Variants in ADAMTS17 observed in about 807,000 individuals in gnomAD.
ADAMTS17 encodes A disintegrin and metalloproteinase with thrombospondin motifs 17.
In ADAMTS17, 113 loss-of-function variants were observed where a neutral mutation model predicts 141.5. The ratio of observed to expected loss-of-function variants is 0.80; its 90% CI spans 0.69 to 0.93. The LOEUF is 0.93. Ranked by LOEUF, ADAMTS17 falls within the 40% of genes least tolerant of loss-of-function variation. The pLI, the probability that ADAMTS17 is intolerant of heterozygous loss-of-function variation, is 0.00. For missense variants in ADAMTS17, 1,659 were observed against 1,517.9 expected, an observed-to-expected ratio of 1.09 and a Z score of -1.54; for synonymous variants, 768 against 630.6, an observed-to-expected ratio of 1.22 and a Z score of -3.27.
intron 3 of ADAMTS17, among the ~76,000 whole-genome samples, chr15:100,299,862 C>CG (rs1350390966): frequency 6.6e-6 from 1 of 152,274 alleles, no homozygotes. Context: ...GCACACCCTA[C>CG]GGGGGCCTGA....
intron 12 of ADAMTS17, 131 bp from the exon 13 acceptor site, chr15:100,117,144 G>T: frequency 9.4e-7 from 1 of 1,060,666 alleles, no homozygotes; most frequent in Non-Finnish European, 1.4e-6. Flanking sequence ...CCCCCTCTCT[G>T]CTGTTACAGA....
chr15:100,135,078 G>A (rs1223160328), intron 10 of ADAMTS17, among the ~76,000 whole-genome samples: 1 of 152,156 alleles, frequency 6.6e-6, no homozygotes, highest in Non-Finnish European at 1.5e-5. Flanking sequence ...TTGGGATTAG[G>A]AGAAATGACC....
Position 99,976,178 on chromosome 15 carries a change from C to A in ADAMTS17, c.2994G>T (p.Gln998His). ...CGKGLQSRVVQCMHKVTGRHG... is the reference protein window; with the variant it reads ...CGKGLQSRVVHCMHKVTGRHG... ...GGCGCCCTGTGACCTTGTGCATGCA[C>A]TGCACCACCCGGGACTGCAGGCCCT... Residue 998 changes from glutamine to histidine, a missense_variant, in exon 21 of 22, where the codon CAG becomes CAT. Coordinates refer to ENST00000268070, the MANE Select transcript of ADAMTS17 (RefSeq NM_139057.4). The A allele has an allele frequency of 1.3e-6, 2 of 1,549,964 alleles. No homozygotes were observed. The highest frequency in any genetic ancestry group is 1.7e-6 in the Non-Finnish European group (2 of 1,147,002).
At chr15:100,341,504 G>A in intron 1 of ADAMTS17, 95 bp from the exon 2 acceptor site, 3 of 988,712 alleles carry the variant, frequency 3.0e-6, no homozygotes, top group Non-Finnish European at 2.4e-6. Context: ...GGGACAGCGC[G>A]ACCCGGAGCC....
At chr15:99,989,828 G>A (rs893740072) in intron 20 of ADAMTS17, among the ~76,000 whole-genome samples, 7 of 152,166 alleles carry the variant, frequency 4.6e-5, no homozygotes, top group African/African-American at 1.7e-4. Context: ...ATTGGGTGGT[G>A]GATTTTGGGC....
chr15:100,066,619 G>A (rs1003191655), intron 15 of ADAMTS17, among the ~76,000 whole-genome samples: 1 of 152,054 alleles, frequency 6.6e-6, no homozygotes, highest in African/African-American at 2.4e-5. Flanking sequence ...GGTGTTCTTG[G>A]GCATTTGATT....
Position 100,239,588 on chromosome 15 carries a change from C to T in ADAMTS17, c.1075+14548G>A, listed in dbSNP as rs554080577. Among the ~76,000 whole-genome samples, 4 of 152,300 alleles carry T rather than the reference C, an allele frequency of 2.6e-5. No homozygotes were observed. In the South Asian group the frequency reaches 8.3e-4, roughly 32 times the overall value. ...GAAGCAATGAGAAGGGGGTCTCTCT[C>T]CAGCGTTGCAGGAGGAAGTGTTGGA... On this transcript the variant is annotated intron_variant, in intron 7 of 21. Coordinates refer to ENST00000268070, the MANE Select transcript of ADAMTS17 (RefSeq NM_139057.4).
intron 13 of ADAMTS17, among the ~76,000 whole-genome samples, chr15:100,116,116 G>C (rs183105299): frequency 1.6e-5 from 1 of 64,004 alleles, no homozygotes; most frequent in East Asian, 6.1e-4. Flanking sequence ...GTTTCCTAAA[G>C]AAGAACAGTT....
At chr15:100,255,314 C>T (rs1050917946) in intron 6 of ADAMTS17, among the ~76,000 whole-genome samples, 3 of 152,126 alleles carry the variant, frequency 2.0e-5, no homozygotes, top group Admixed American at 6.5e-5. Context: ...CCCTCCCAGG[C>T]CCCACACCCA....
intron 15 of ADAMTS17, among the ~76,000 whole-genome samples, chr15:100,057,692 A>G (rs2032705193): frequency 6.6e-6 from 1 of 152,136 alleles, no homozygotes. Context: ...GCACAGGCCC[A>G]TCACCCAACC....
At chr15:99,996,955 A>C (rs978685382) in intron 19 of ADAMTS17, among the ~76,000 whole-genome samples, 1 of 152,188 alleles carries the variant, frequency 6.6e-6, no homozygotes, top group Non-Finnish European at 1.5e-5. Flanking sequence ...TGTAACTCCA[A>C]CTTGCACACT....
chr15:99,987,952 T>C (rs2060623267), intron 20 of ADAMTS17, among the ~76,000 whole-genome samples: 1 of 151,952 alleles, frequency 6.6e-6, no homozygotes, highest in South Asian at 2.1e-4. Context: ...ATGCTCCTGG[T>C]ACACCATACA....
At chr15:100,089,132 C>G (rs1169363439) in intron 15 of ADAMTS17, among the ~76,000 whole-genome samples, 1 of 151,752 alleles carries the variant, frequency 6.6e-6, no homozygotes, top group Non-Finnish European at 1.5e-5. Flanking sequence ...TGAACTCAAA[C>G]AAATCTACAA....
At chr15:100,299,899 G>A (rs934418872) in intron 3 of ADAMTS17, among the ~76,000 whole-genome samples, 6 of 152,300 alleles carry the variant, frequency 3.9e-5, no homozygotes, top group Non-Finnish European at 4.4e-5. Context: ...TGCTAGGTTT[G>A]AGGATGGGAA....
intron 8 of ADAMTS17, among the ~76,000 whole-genome samples, chr15:100,157,460 G>C (rs1312846321): frequency 1.3e-5 from 2 of 152,088 alleles, no homozygotes; most frequent in African/African-American, 2.4e-5. Context: ...TGACCAACTA[G>C]AGTCATTTCT....
intron 10 of ADAMTS17, among the ~76,000 whole-genome samples, chr15:100,138,140 G>T (rs1370244163): frequency 5.8e-5 from 3 of 51,364 alleles, no homozygotes; most frequent in Non-Finnish European, 1.5e-4. Context: ...ATCTGGAAGG[G>T]TGTTTACCAG....
intron 18 of ADAMTS17, among the ~76,000 whole-genome samples, chr15:100,027,099 A>C (rs141121405): frequency 6.6e-6 from 1 of 152,238 alleles, no homozygotes; most frequent in Non-Finnish European, 1.5e-5. Context: ...CGGGAGGTGC[A>C]GAAGTACTCA....
intron 7 of ADAMTS17, among the ~76,000 whole-genome samples, chr15:100,223,799 A>ATATATATGTGTGTGTGTG (rs1199724802): frequency 6.6e-6 from 1 of 151,386 alleles, no homozygotes; most frequent in Non-Finnish European, 1.5e-5. Flanking sequence ...GTGTGGGTGT[A>ATATATATGTGTGTGTGTG]TATATATGTG....
intron 15 of ADAMTS17, among the ~76,000 whole-genome samples, chr15:100,089,489 C>T (rs1165264549): frequency 6.6e-6 from 1 of 150,842 alleles, no homozygotes; most frequent in East Asian, 2.0e-4. Context: ...TGGGTATATA[C>T]CCAAAGGATT....
Sources: allele counts gnomAD v4.1 joint callset (sites outside exome capture counted in the v4.1 genomes callset), GRCh38; gene constraint gnomAD v4.1.1; transcripts MANE v1.5; gene names NCBI Gene and HGNC (gene_info 2026-07-23, HGNC 2026-07-21).